ZMYND8: variants seen among roughly 807,000 people sequenced by gnomAD.
The protein encoded by ZMYND8 is MYND-type zinc finger-containing chromatin reader ZMYND8.
In ZMYND8, 37 loss-of-function variants were observed where a neutral mutation model predicts 140.8. The observed-to-expected ratio is 0.26, with a 90% CI of 0.20 to 0.35. The LOEUF (loss-of-function observed/expected upper bound fraction) is 0.35, where lower values mean the gene tolerates loss of function less well. Ranked by LOEUF, ZMYND8 falls within the 10% of genes least tolerant of loss-of-function variation. The pLI, the probability that ZMYND8 is intolerant of heterozygous loss-of-function variation, is 1.00. For missense variants in ZMYND8, 1,068 were observed against 1,570.0 expected, an observed-to-expected ratio of 0.68 and a Z score of 5.40; for synonymous variants, 592 against 597.1, an observed-to-expected ratio of 0.99 and a Z score of 0.12.
At chr20:47,339,405 C>T (rs2081648366) in intron 2 of ZMYND8, among the ~76,000 whole-genome samples, 1 of 152,158 alleles carries the variant, frequency 6.6e-6, no homozygotes, top group African/African-American at 2.4e-5. Context: ...CCTGACAGAC[C>T]TAGCAATAAA....
intron 3 of ZMYND8, among the ~76,000 whole-genome samples, chr20:47,306,640 A>G (rs1258363279): frequency 6.8e-6 from 1 of 147,620 alleles, no homozygotes; most frequent in African/African-American, 2.5e-5. Flanking sequence ...ACACGATCTC[A>G]GCTCACTGCA....
chr20:47,344,376 CCA>C (rs933918773), intron 2 of ZMYND8, among the ~76,000 whole-genome samples: 15 of 152,166 alleles, frequency 9.9e-5, no homozygotes, highest in African/African-American at 2.4e-5. Context: ...AAACCCATAA[CCA>C]CAGTTTACCA....
intron 21 of ZMYND8, among the ~76,000 whole-genome samples, chr20:47,215,394 T>TAAA (rs2035940143): frequency 6.6e-6 from 1 of 151,708 alleles, no homozygotes; most frequent in Non-Finnish European, 1.5e-5. Context: ...ATAATAATAA[T>TAAA]AAATGTCCAT....
At chr20:47,257,658 CA>C (rs2074851029) in intron 12 of ZMYND8, among the ~76,000 whole-genome samples, 1 of 151,934 alleles carries the variant, frequency 6.6e-6, no homozygotes. Flanking sequence ...ATACTCATAC[CA>C]TATACCCAAT....
intron 19 of ZMYND8, among the ~76,000 whole-genome samples, 179 bp downstream of exon 19, chr20:47,224,138 T>G (rs1268828193): frequency 6.6e-6 from 1 of 152,230 alleles, no homozygotes; most frequent in African/African-American, 2.4e-5. Flanking sequence ...GGCTCAAGTT[T>G]TAGCTATGTG....
At chr20:47,351,637 A>G in intron 1 of ZMYND8, 1 of 980,474 alleles carries the variant, frequency 1.0e-6, no homozygotes, top group Non-Finnish European at 1.2e-6. Flanking sequence ...GCTTCCCTAA[A>G]TCTACAATTA....
chr20:47,290,289 G>A lies in ZMYND8; in HGVS notation c.661-15C>T, dbSNP rs368221183. ...TTTTTCGCATTCTGGGAAGAAAAGC[G>A]ATGGAGCATAATCACAGTGAGTCTA... is the stretch of plus-strand genomic sequence containing the variant. On this transcript the variant is annotated splice_polypyrimidine_tract_variant and intron_variant, in intron 6 of 22. Coordinates refer to ENST00000471951, the MANE Select transcript of ZMYND8 (RefSeq NM_001281775.3). 3.1e-5 allele frequency: 50 copies of A among 1,611,736 alleles called. No individual in the cohort carries two copies. Among genetic ancestry groups the A allele is most frequent in the African/African-American group, 2.9e-4 (22 of 74,846 alleles).
At chr20:47,317,353 A>G (rs1490159791) in intron 2 of ZMYND8, among the ~76,000 whole-genome samples, 1 of 152,098 alleles carries the variant, frequency 6.6e-6, no homozygotes, top group African/African-American at 2.4e-5. Flanking sequence ...TCCAGCCTCC[A>G]TCAAGGCTAG....
rs145058294 is a variant in ZMYND8, at chr20:47,307,538, G to A, written c.234+2518C>T. 2.2e-3 allele frequency among the ~76,000 whole-genome samples: 328 copies of A among 152,032 alleles called. 1 individual carries two copies. Among genetic ancestry groups the A allele is most frequent in the East Asian group, 0.017 (89 of 5,128 alleles). On this transcript the variant is annotated intron_variant, in intron 3 of 22. Coordinates refer to ENST00000471951, the MANE Select transcript of ZMYND8 (RefSeq NM_001281775.3). ...AGGCTGAGGCAGAAGGATAACTTGA[G>A]TGTCCAGCTTGAGCAATATAGCAAG...
intron 2 of ZMYND8, among the ~76,000 whole-genome samples, chr20:47,318,170 G>C (rs2079569574): frequency 6.6e-6 from 1 of 152,022 alleles, no homozygotes; most frequent in African/African-American, 2.4e-5. Flanking sequence ...CTGGAGACCA[G>C]AATCAGCCCA....
In ZMYND8 at chr20:47,246,506, T is replaced by C. The variant is rs200015974; in HGVS notation, c.1786A>G (p.Ile596Val). ...ACGGCCGTATAGACATCTTCCGAGA[T>C]TTCATTTATGCCTAAATTCAAAAAG... Reference protein sequence around the residue: ...SCKAQLGINEISEDVYTAVEH... With the variant: ...SCKAQLGINEVSEDVYTAVEH... The change falls in exon 14 of 23, where the codon ATC becomes GTC. Residue 596 changes from isoleucine to valine, a missense_variant. Ile to Val is a conservative substitution (Grantham distance 29). Coordinates refer to ENST00000471951, the MANE Select transcript of ZMYND8 (RefSeq NM_001281775.3). The C allele has an allele frequency of 6.4e-7, 1 of 1,574,460 alleles. No homozygotes were observed.
intron 14 of ZMYND8, among the ~76,000 whole-genome samples, chr20:47,241,880 C>T (rs2040015429): frequency 1.3e-5 from 2 of 149,672 alleles, no homozygotes; most frequent in African/African-American, 2.5e-5. Context: ...TGCAGTGGCG[C>T]GATCTCGGCT....
In ZMYND8 at chr20:47,209,358, T is replaced by C. The variant is rs950751303; in HGVS notation, c.*1403A>G. 2 of 152,158 alleles carry C rather than the reference T, an allele frequency of 1.3e-5. No homozygotes were observed. Among genetic ancestry groups the C allele is most frequent in the African/African-American group, 2.4e-5 (1 of 41,434 alleles). The allele number at this position is 152,158 out of a possible 1,614,324, so 9.4% of individuals were successfully genotyped here. A position where few individuals can be genotyped will look rare whatever the true frequency, so the allele number is the denominator to read the frequency against. Reference sequence around the variant, plus strand: ...CAAAGAAACACCACCATCAAAAAGATATTTAAGTTTAATACAAATTTTATA... The same window carrying C: ...CAAAGAAACACCACCATCAAAAAGACATTTAAGTTTAATACAAATTTTATA... On this transcript the variant is annotated 3_prime_UTR_variant, in exon 23 of 23. Coordinates refer to ENST00000471951, the MANE Select transcript of ZMYND8 (RefSeq NM_001281775.3).
At chr20:47,212,548 C>A in intron 22 of ZMYND8, 94 bp downstream of exon 22, 1 of 1,401,596 alleles carries the variant, frequency 7.1e-7, no homozygotes, top group Non-Finnish European at 1.0e-6. Flanking sequence ...AAGACACACC[C>A]ACAAAGGAAC....
At chr20:47,215,544 T>C (rs2035966383) in intron 21 of ZMYND8, among the ~76,000 whole-genome samples, 2 of 151,660 alleles carry the variant, frequency 1.3e-5, no homozygotes, top group South Asian at 4.2e-4. Flanking sequence ...TCTCACTCTG[T>C]TGCCCAGCTG....
At chr20:47,356,350 G>T in intron 1 of ZMYND8, 2 of 1,461,968 alleles carry the variant, frequency 1.4e-6, no homozygotes, top group Non-Finnish European at 1.8e-6. Context: ...AAAAAAAGAA[G>T]GAAAAAAAAA....
At chr20:47,245,474 G>T (rs1018270363) in intron 14 of ZMYND8, among the ~76,000 whole-genome samples, 1 of 152,160 alleles carries the variant, frequency 6.6e-6, no homozygotes, top group Non-Finnish European at 1.5e-5. Context: ...TTGAACTCCT[G>T]ACCTCAAATG....
At chr20:47,251,947 G>T (rs1361762599) in intron 12 of ZMYND8, among the ~76,000 whole-genome samples, 1 of 151,402 alleles carries the variant, frequency 6.6e-6, no homozygotes, top group Non-Finnish European at 1.5e-5. Flanking sequence ...TTGCATTTTT[G>T]ACACTAAAGT....
chr20:47,221,924 C>T (rs2037016916), intron 19 of ZMYND8, among the ~76,000 whole-genome samples: 1 of 152,202 alleles, frequency 6.6e-6, no homozygotes, highest in Admixed American at 6.5e-5. Context: ...ACCTCGGCCT[C>T]CCAAAGTGCT....
Sources: gnomAD v4.1 joint callset for allele counts (sites outside exome capture counted in the v4.1 genomes callset) on GRCh38, gnomAD v4.1.1 for gene constraint, MANE v1.5 for transcripts, NCBI Gene and HGNC (gene_info 2026-07-23, HGNC 2026-07-21) for gene names.